TTC39A: variants seen among roughly 807,000 people sequenced by gnomAD.
TTC39A encodes tetratricopeptide repeat protein 39A.
Under a neutral mutation model 82.3 loss-of-function variants are expected in TTC39A, and 46 were observed. That is an observed-to-expected ratio of 0.56 (90% CI 0.44 to 0.71). TTC39A has a LOEUF of 0.71. TTC39A is among the 30% of genes least tolerant of loss of function. TTC39A has a pLI of 0.00. For missense variants in TTC39A, 543 were observed against 712.9 expected, an observed-to-expected ratio of 0.76 and a Z score of 2.71; for synonymous variants, 254 against 275.2, an observed-to-expected ratio of 0.92 and a Z score of 0.76.
intron 5 of TTC39A, chr1:51,309,527 G>T: frequency 7.8e-7 from 1 of 1,284,660 alleles, no homozygotes; most frequent in Non-Finnish European, 1.0e-6. Context: ...AGCCTCCCAG[G>T]TACACATACT....
chr1:51,310,813 AC>A (rs1252362992), intron 5 of TTC39A, among the ~76,000 whole-genome samples: 1 of 152,238 alleles, frequency 6.6e-6, no homozygotes, highest in African/African-American at 2.4e-5. Context: ...AGATTAAATA[AC>A]AAATGTAAAT....
At chr1:51,290,386 C>T (rs1165582147) in intron 15 of TTC39A, 128 bp downstream of exon 15, 6 of 869,354 alleles carry the variant, frequency 6.9e-6, no homozygotes, top group Non-Finnish European at 8.8e-6. Context: ...CTTGGAGGAG[C>T]TCAGTCTAGA....
At chr1:51,289,410 C>T (rs941096198) in intron 16 of TTC39A, among the ~76,000 whole-genome samples, 2 of 152,168 alleles carry the variant, frequency 1.3e-5, no homozygotes, top group Non-Finnish European at 2.9e-5. Context: ...TCTTTTCTCT[C>T]TATGACTTCA....
intron 1 of TTC39A, chr1:51,343,083 A>C: frequency 4.4e-6 from 2 of 456,234 alleles, no homozygotes; most frequent in South Asian, 3.1e-5. Context: ...AAGGTCCTGG[A>C]AGGCAAGAAA....
upstream of TTC39A, chr1:51,331,451 C>T (rs2148314964): frequency 5.0e-6 from 7 of 1,401,554 alleles, no homozygotes; most frequent in South Asian, 1.5e-5. Flanking sequence ...TTAGAGCTGT[C>T]CCTTCACAAA....
rs1348257320 is a variant in TTC39A, at chr1:51,294,436, C to T, written c.1221G>A (p.Arg407=). Residue 407 remains arginine (R), a synonymous_variant, in exon 14 of 18, where the codon CGG becomes CGA. Transcript: ENST00000680483. This position sits in a 1 kb window ranked among gnomAD's most constrained non-coding sequence, Gnocchi z 4.3. ...AGATAGGGTTGGAGGAGAAGTAGCG[C>T]CGGGACTTCCGGATGGCAAACTTCT... ...PTEKFAIRKS[R]RYFSSNPISL... 1 of 1,613,870 alleles carries T rather than the reference C, an allele frequency of 6.2e-7. No homozygotes were observed. The highest frequency in any genetic ancestry group is 1.3e-5 in the African/African-American group (1 of 74,914).
At position 51,321,688 on chromosome 1, in the gene TTC39A, C is replaced by T. The variant is rs779611793; in HGVS notation, c.146+33G>A. On this transcript the variant is annotated intron_variant, in intron 2 of 17. Transcript: ENST00000680483. This position sits in a 1 kb window ranked among gnomAD's most constrained non-coding sequence, Gnocchi z 4.6. Reference sequence around the variant, plus strand: ...TCTGGTTCTCCCTGACCGTCATGCACACCCCCTACCCCAACCGGGGCTTGA... The same window carrying T: ...TCTGGTTCTCCCTGACCGTCATGCATACCCCCTACCCCAACCGGGGCTTGA... 2 of 1,601,742 alleles carry T rather than the reference C, an allele frequency of 1.2e-6. No individual in the cohort carries two copies. The highest frequency in any genetic ancestry group is 4.5e-5 in the East Asian group (2 of 44,762).
intron 1 of TTC39A, among the ~76,000 whole-genome samples, chr1:51,336,624 CAA>C (rs1377230239): frequency 6.6e-6 from 1 of 152,146 alleles, no homozygotes; most frequent in Non-Finnish European, 1.5e-5. Flanking sequence ...ACTTGGGATG[CAA>C]AGACAGGAAG....
At position 51,292,594 on chromosome 1, in the gene TTC39A, C is replaced by T. The variant is rs138793565; in HGVS notation, c.1266+1797G>A. Reference sequence around the variant, plus strand: ...TACAGATGCAGGACACCATGCCCCACTAAATTTTGAATTTTTTGTAAAGAT... The same window carrying T: ...TACAGATGCAGGACACCATGCCCCATTAAATTTTGAATTTTTTGTAAAGAT... On this transcript the variant is annotated intron_variant, in intron 14 of 17. Coordinates refer to ENST00000680483, the MANE Select transcript of TTC39A (RefSeq NM_001297663.2). Among the ~76,000 whole-genome samples the T allele has an allele frequency of 5.0e-3, 765 of 152,220 alleles. 9 individuals carry two copies. The highest frequency in any genetic ancestry group is 8.0e-3 in the African/African-American group (333 of 41,522).
At chr1:51,326,047 G>T (rs986873718) in intron 1 of TTC39A, 2 of 152,330 alleles carry the variant, frequency 1.3e-5, no homozygotes, top group African/African-American at 4.8e-5. Context: ...CGTGCTCTAG[G>T]CTATGCGTGG....
chr1:51,345,114 A>G lies in TTC39A; in HGVS notation c.-71T>C, dbSNP rs1570038215. 3.5e-6 allele frequency: 4 copies of G among 1,136,218 alleles called. No homozygotes were observed. In the East Asian group the frequency reaches 1.4e-4, roughly 40 times the overall value. The allele number at this position is 1,136,218 out of a possible 1,614,324, so 70.4% of individuals were successfully genotyped here. A position where few individuals can be genotyped will look rare whatever the true frequency, so the allele number is the denominator to read the frequency against. On this transcript the variant is annotated 5_prime_UTR_variant, in exon 1 of 6. Coordinates refer to the TTC39A transcript ENST00000401051. ...CGGCGGCGGCGGCCGTGGAGGCTAC[A>G]GTGGCAGCACCTGGACGGGGCGGGC...
chr1:51,303,038 T>C (rs745861337), intron 9 of TTC39A, 46 bp downstream of exon 9: 249 of 1,515,462 alleles, frequency 1.6e-4, no homozygotes, highest in Non-Finnish European at 1.9e-4. Flanking sequence ...CCTTCCCCCT[T>C]GGAGACGACC....
In TTC39A at chr1:51,321,599, G is replaced by C. The variant is rs1368978722; in HGVS notation, c.146+122C>G. The C allele has an allele frequency of 7.0e-6, 6 of 851,658 alleles. No homozygotes were observed. Among genetic ancestry groups the C allele is most frequent in the Non-Finnish European group, 1.1e-5 (6 of 531,646 alleles). 52.8% of individuals were successfully genotyped at this position (851,658 alleles called of 1,614,324 possible). ...TGAGCCATTTTTATGGGACTTCTCA[G>C]AGGTCCTGGTGACCCAGAAAGCCAA... On this transcript the variant is annotated intron_variant, in intron 2 of 17. Transcript: ENST00000680483. This position sits in a 1 kb window ranked among gnomAD's most constrained non-coding sequence, Gnocchi z 4.6.
rs1327009787 is a variant in TTC39A, at chr1:51,294,527, G to A, written c.1146-16C>T. The A allele has an allele frequency of 3.7e-6, 6 of 1,613,570 alleles. No homozygotes were observed. The highest frequency in any genetic ancestry group is 5.1e-6 in the Non-Finnish European group (6 of 1,179,826). ...TGGCACAGCTCTGCGAAAGAGATGG[G>A]GAGGGTGGGAGAGGATGAAAAAGAG... On this transcript the variant is annotated splice_polypyrimidine_tract_variant and intron_variant, in intron 13 of 17. Transcript: ENST00000680483. This position sits in a 1 kb window ranked among gnomAD's most constrained non-coding sequence, Gnocchi z 4.3.
At chr1:51,295,581 CA>C (rs1334299816) in intron 13 of TTC39A, 3 of 163,798 alleles carry the variant, frequency 1.8e-5, no homozygotes, top group Non-Finnish European at 4.1e-5. Context: ...AGTTGATTTG[CA>C]AAACAGTGCT....
chr1:51,291,421 G>C (rs1316764127), intron 14 of TTC39A, among the ~76,000 whole-genome samples: 2 of 151,648 alleles, frequency 1.3e-5, no homozygotes, highest in Non-Finnish European at 2.9e-5. Context: ...AATCCAGGAA[G>C]CGGAAGTTGC....
At chr1:51,303,513 C>G (rs1247974407) in intron 8 of TTC39A, among the ~76,000 whole-genome samples, 1 of 152,320 alleles carries the variant, frequency 6.6e-6, no homozygotes, top group East Asian at 1.9e-4. Flanking sequence ...GGCCCAAGGT[C>G]TGGTTGGGAG....
chr1:51,328,031 TA>T (rs938877266), intron 1 of TTC39A, among the ~76,000 whole-genome samples: 6 of 152,124 alleles, frequency 3.9e-5, no homozygotes, highest in Non-Finnish European at 8.8e-5. Context: ...GCACTGACTT[TA>T]TAATGAAACT....
In TTC39A at chr1:51,311,327, G is replaced by A. The variant is rs773417832; in HGVS notation, c.356-6C>T. On this transcript the variant is annotated splice_region_variant and splice_polypyrimidine_tract_variant and intron_variant, in intron 4 of 17. Transcript: ENST00000680483. ...GACCTCAGCGTGGATTTCCTCTGTG[G>A]GGAGAAAACCAAAGCCCCGTGGCCT... The A allele has an allele frequency of 2.5e-6, 4 of 1,571,320 alleles. No homozygotes were observed. In the South Asian group the frequency reaches 4.7e-5, roughly 18 times the overall value.
Sources: gnomAD v4.1 joint callset for allele counts (sites outside exome capture counted in the v4.1 genomes callset) on GRCh38, gnomAD v4.1.1 for gene constraint, Gnocchi (gnomAD v3.1) non-coding constraint, MANE v1.5 for transcripts, NCBI Gene and HGNC (gene_info 2026-07-23, HGNC 2026-07-21) for gene names.